Variants in SPAG16 observed in about 807,000 individuals in gnomAD.
SPAG16 encodes the protein sperm associated antigen 16.
Under a neutral mutation model 80.4 loss-of-function variants are expected in SPAG16, and 86 were observed. The observed-to-expected ratio is 1.07, with a 90% confidence interval of 0.90 to 1.28. The LOEUF (loss-of-function observed/expected upper bound fraction) is 1.28, where lower values mean the gene tolerates loss of function less well. SPAG16 is among the 50% of genes most tolerant of loss of function. The probability of loss-of-function intolerance (pLI) is 0.00; values close to 1 mark genes in which losing one functional copy is unlikely to be tolerated. For missense variants in SPAG16, 870 were observed against 765.3 expected (o/e 1.14, Z -1.61); for synonymous variants, 294 against 265.9 (o/e 1.11, Z -1.03).
intron 10 of SPAG16, among the ~76,000 whole-genome samples, chr2:213,840,216 C>T (rs1035653035): frequency 2.6e-5 from 4 of 151,998 alleles, no homozygotes; most frequent in Non-Finnish European, 4.4e-5. Context: ...TAATAATAAC[C>T]ATATATAGGC....
intron 15 of SPAG16, among the ~76,000 whole-genome samples, chr2:214,354,673 A>T (rs949345463): frequency 1.3e-5 from 2 of 150,936 alleles, no homozygotes; most frequent in African/African-American, 4.9e-5. Context: ...CTTTTATTTC[A>T]TTGAGCAGTG....
intron 15 of SPAG16, among the ~76,000 whole-genome samples, chr2:214,292,888 T>C (rs1339885611): frequency 6.6e-6 from 1 of 152,238 alleles, no homozygotes; most frequent in Non-Finnish European, 1.5e-5. Context: ...TGCGATATTG[T>C]AGTATCTGTG....
intron 15 of SPAG16, among the ~76,000 whole-genome samples, chr2:214,234,805 T>C (rs1194776543): frequency 6.6e-6 from 1 of 152,068 alleles, no homozygotes; most frequent in Non-Finnish European, 1.5e-5. Context: ...GGAAAAGGGT[T>C]TTATTATTTT....
intron 10 of SPAG16, among the ~76,000 whole-genome samples, chr2:213,817,664 G>T (rs1381241240): frequency 2.0e-5 from 3 of 152,084 alleles, no homozygotes; most frequent in Non-Finnish European, 4.4e-5. Flanking sequence ...GAAAAAGAAT[G>T]AAATCGTGTC....
intron 10 of SPAG16, among the ~76,000 whole-genome samples, chr2:213,654,600 C>T (rs973962332): frequency 1.3e-5 from 2 of 148,948 alleles, no homozygotes; most frequent in African/African-American, 2.5e-5. Flanking sequence ...GCCTGTAGTC[C>T]CAGCTACTCG....
intron 15 of SPAG16, among the ~76,000 whole-genome samples, chr2:214,210,537 G>T (rs2058263771): frequency 6.6e-6 from 1 of 152,016 alleles, no homozygotes; most frequent in Non-Finnish European, 1.5e-5. Flanking sequence ...TGGGGGTTTT[G>T]TGCTCTTACC....
Position 213,957,725 on chromosome 2 carries a change from G to C in SPAG16, c.1400+27580G>C, listed in dbSNP as rs572756364. Among the ~76,000 whole-genome samples the C allele has an allele frequency of 3.9e-5, 6 of 152,108 alleles. 1 individual carries two copies. In the South Asian group the frequency reaches 1.2e-3, roughly 32 times the overall value. On this transcript the variant is annotated intron_variant, in intron 12 of 15. Transcript: ENST00000331683. ...TAGTTGACTTTTTTAGTAGTGAAATGTTTCAATTACTTCCTTTGTGTGTAT... is the reference window on the plus strand; with the variant it reads ...TAGTTGACTTTTTTAGTAGTGAAATCTTTCAATTACTTCCTTTGTGTGTAT...
chr2:214,037,445 T>C (rs1041245448), intron 13 of SPAG16, among the ~76,000 whole-genome samples: 3 of 152,110 alleles, frequency 2.0e-5, no homozygotes, highest in African/African-American at 7.2e-5. Context: ...ACTTAGTATA[T>C]GATTACATTT....
At chr2:213,349,879 A>G (rs2065228018) in intron 6 of SPAG16, among the ~76,000 whole-genome samples, 1 of 152,184 alleles carries the variant, frequency 6.6e-6, no homozygotes, top group Admixed American at 6.5e-5. Context: ...ATATTTTGAT[A>G]ATGTATACTA....
At position 214,026,218 on chromosome 2, in the gene SPAG16, A is replaced by C. The variant is rs190457356; in HGVS notation, c.1527+12141A>C. 2.3e-4 allele frequency among the ~76,000 whole-genome samples: 35 copies of C among 151,524 alleles called. No homozygotes were observed. In the East Asian group the frequency reaches 6.8e-3, roughly 29 times the overall value. On this transcript the variant is annotated intron_variant, in intron 13 of 15. Transcript: ENST00000331683. ...TACTTTTGCAATAACATATATACATACATGCATATATATACATACACATAT... is the reference window on the plus strand; with the variant it reads ...TACTTTTGCAATAACATATATACATCCATGCATATATATACATACACATAT...
chr2:214,004,161 A>G (rs1237419147), intron 12 of SPAG16, among the ~76,000 whole-genome samples: 3 of 152,170 alleles, frequency 2.0e-5, no homozygotes, highest in African/African-American at 7.2e-5. Context: ...AAGATCAACA[A>G]AGCTGGACAC....
chr2:213,944,265 G>T (rs2079344884), intron 12 of SPAG16, among the ~76,000 whole-genome samples: 1 of 152,232 alleles, frequency 6.6e-6, no homozygotes, highest in Admixed American at 6.5e-5. Flanking sequence ...TAGCAGTGCT[G>T]CAGAGGCAAA....
intron 9 of SPAG16, among the ~76,000 whole-genome samples, chr2:213,381,031 A>C (rs1333508817): frequency 6.6e-6 from 1 of 152,130 alleles, no homozygotes; most frequent in Admixed American, 6.5e-5. Context: ...TCAAGAATAC[A>C]ATCAGAAGCC....
chr2:214,343,559 T>A (rs374199691), intron 15 of SPAG16, among the ~76,000 whole-genome samples: 27 of 152,166 alleles, frequency 1.8e-4, no homozygotes, highest in Admixed American at 1.2e-3. Context: ...TAAGGTATAT[T>A]TGACAAAATG....
intron 10 of SPAG16, among the ~76,000 whole-genome samples, chr2:213,521,405 A>G (rs1384553796): frequency 6.6e-6 from 1 of 152,150 alleles, no homozygotes; most frequent in African/African-American, 2.4e-5. Context: ...AAGGACAATC[A>G]CCACACCTTC....
At chr2:213,651,981 CATGTA>C (rs1169933283) in intron 10 of SPAG16, among the ~76,000 whole-genome samples, 1 of 152,108 alleles carries the variant, frequency 6.6e-6, no homozygotes, top group Non-Finnish European at 1.5e-5. Context: ...GTCTTACGTG[CATGTA>C]ATGTACTTTT....
intron 12 of SPAG16, among the ~76,000 whole-genome samples, chr2:213,995,678 C>T (rs749058475): frequency 6.6e-6 from 1 of 152,144 alleles, no homozygotes; most frequent in Non-Finnish European, 1.5e-5. Flanking sequence ...ATCAGGAGCC[C>T]TTCCTAGTTG....
At chr2:214,090,938 A>G (rs1332699537) in intron 13 of SPAG16, among the ~76,000 whole-genome samples, 1 of 152,076 alleles carries the variant, frequency 6.6e-6, no homozygotes, top group Non-Finnish European at 1.5e-5. Context: ...AAATAAATGA[A>G]CAATCCAAAA....
At chr2:213,383,315 G>A (rs529171176) in intron 9 of SPAG16, among the ~76,000 whole-genome samples, 5 of 152,184 alleles carry the variant, frequency 3.3e-5, no homozygotes, top group African/African-American at 7.2e-5. Flanking sequence ...ATGATGCTAA[G>A]ATTGCAGAGT....
Sources: gnomAD v4.1 joint callset for allele counts (sites outside exome capture counted in the v4.1 genomes callset) on GRCh38, gnomAD v4.1.1 for gene constraint, MANE v1.5 for transcripts, NCBI Gene and HGNC (gene_info 2026-07-23, HGNC 2026-07-21) for gene names.